ZBTB20: variants seen among roughly 807,000 people sequenced by gnomAD.
ZBTB20 encodes the protein zinc finger and BTB domain containing 20.
ZBTB20 carries 9 observed loss-of-function variants against 56.9 expected under a neutral mutation model. That is an observed-to-expected ratio of 0.16 (90% confidence interval 0.10 to 0.28). The LOEUF is 0.28. Ranked by LOEUF, ZBTB20 falls within the 10% of genes least tolerant of loss-of-function variation. ZBTB20 has a pLI of 1.00. For synonymous variants in ZBTB20, 417 were observed against 420.7 expected (o/e 0.99, Z 0.11); for missense variants, 655 against 1,003.0 (o/e 0.65, Z 4.69).
intron 1 of ZBTB20, among the ~76,000 whole-genome samples, chr3:115,112,287 G>A (rs138183227): frequency 4.3e-4 from 65 of 152,160 alleles, no homozygotes; most frequent in African/African-American, 1.4e-3. Flanking sequence ...CCATCACCCT[G>A]AGTATTTATA....
At chr3:114,429,270 TAATC>T (rs1333697928) in intron 7 of ZBTB20, among the ~76,000 whole-genome samples, 42 of 151,038 alleles carry the variant, frequency 2.8e-4, no homozygotes, top group African/African-American at 9.7e-4. Context: ...ACCTCTTAAA[TAATC>T]AAGTAGTCAA....
intron 6 of ZBTB20, among the ~76,000 whole-genome samples, chr3:114,513,449 A>G (rs1312301368): frequency 6.6e-6 from 1 of 152,160 alleles, no homozygotes; most frequent in East Asian, 1.9e-4. Flanking sequence ...GTTCTTTCAC[A>G]CTTACATCAG....
intron 7 of ZBTB20, among the ~76,000 whole-genome samples, chr3:114,489,809 G>T (rs2042532887): frequency 6.6e-6 from 1 of 152,150 alleles, no homozygotes; most frequent in African/African-American, 2.4e-5. Flanking sequence ...TTAGTCAAAT[G>T]ACCCTAACAT....
In ZBTB20 at chr3:114,322,567, G is replaced by A. The variant is rs1383007494; in HGVS notation, c.*16438C>T. ...CCAAAGCCTCAAGAGAAGTATCCTA[G>A]GACAGTTAATGTGAATATATTTTAA... On this transcript the variant is annotated 3_prime_UTR_variant, in exon 12 of 12. Coordinates refer to ENST00000675478, the MANE Select transcript of ZBTB20 (RefSeq NM_001348800.3). 1 of 152,098 alleles carries A rather than the reference G, an allele frequency of 6.6e-6. No homozygotes were observed. Among genetic ancestry groups the A allele is most frequent in the Non-Finnish European group, 1.5e-5 (1 of 68,006 alleles). The allele number at this position is 152,098 out of a possible 1,614,324, so 9.4% of individuals were successfully genotyped here. A position where few individuals can be genotyped will look rare whatever the true frequency, so the allele number is the denominator to read the frequency against.
intron 4 of ZBTB20, among the ~76,000 whole-genome samples, chr3:114,870,555 T>C (rs2075962767): frequency 6.6e-6 from 1 of 151,646 alleles, no homozygotes; most frequent in Admixed American, 6.6e-5. Flanking sequence ...CTTGCTTCAG[T>C]GGTGATGGTG....
At chr3:114,880,378 G>A (rs2076355415) in intron 4 of ZBTB20, among the ~76,000 whole-genome samples, 1 of 152,024 alleles carries the variant, frequency 6.6e-6, no homozygotes, top group African/African-American at 2.4e-5. Context: ...CCACCTCTTT[G>A]TATTCATTCT....
chr3:114,729,484 T>C (rs2065561921), intron 5 of ZBTB20, among the ~76,000 whole-genome samples: 1 of 152,172 alleles, frequency 6.6e-6, no homozygotes, highest in Admixed American at 6.5e-5. Context: ...TTTTCTTAAA[T>C]TTGTTTTTAA....
chr3:114,737,349 C>T (rs2066253469), intron 5 of ZBTB20, among the ~76,000 whole-genome samples: 2 of 152,020 alleles, frequency 1.3e-5, no homozygotes, highest in African/African-American at 4.8e-5. Flanking sequence ...TTTTCAAGAG[C>T]ATTAAATTCA....
At chr3:114,589,972 A>T (rs1051357029) in intron 6 of ZBTB20, among the ~76,000 whole-genome samples, 1 of 152,240 alleles carries the variant, frequency 6.6e-6, no homozygotes, top group African/African-American at 2.4e-5. Context: ...TTTGGAGATG[A>T]ATCAAAAATA....
intron 7 of ZBTB20, among the ~76,000 whole-genome samples, chr3:114,427,984 C>T (rs530986460): frequency 6.6e-6 from 1 of 152,098 alleles, no homozygotes; most frequent in African/African-American, 2.4e-5. Context: ...CATAAAGTCA[C>T]GGGGACTGGG....
At chr3:114,985,003 C>T (rs1441099287) in intron 2 of ZBTB20, among the ~76,000 whole-genome samples, 2 of 152,048 alleles carry the variant, frequency 1.3e-5, no homozygotes, top group Non-Finnish European at 2.9e-5. Flanking sequence ...CAGTCCTCAA[C>T]TCAAATGGCA....
rs572176392 is a variant in ZBTB20 at position 114,320,826 on chromosome 3, A to C, written c.*18179T>G. The stretch of plus-strand genomic sequence containing the variant: ...TCTATTCTTATAAAAATAACCACAA[A>C]TATAAAGAAATTATAATCAGGGCAA... On this transcript the variant is annotated 3_prime_UTR_variant, in exon 12 of 12. Coordinates refer to ENST00000675478, the MANE Select transcript of ZBTB20 (RefSeq NM_001348800.3). 6.6e-6 allele frequency: 1 copy of C among 152,300 alleles called. No individual in the cohort carries two copies. The highest frequency in any genetic ancestry group is 2.4e-5 in the African/African-American group (1 of 41,550). The allele number at this position is 152,300 out of a possible 1,614,324, so 9.4% of individuals were successfully genotyped here.
At chr3:114,700,204 T>C (rs1042129900) in intron 5 of ZBTB20, among the ~76,000 whole-genome samples, 3 of 152,104 alleles carry the variant, frequency 2.0e-5, no homozygotes, top group Non-Finnish European at 2.9e-5. Context: ...CCTGACTTCA[T>C]ATTCTTCCTT....
chr3:114,477,453 T>C (rs1365723588), intron 7 of ZBTB20, among the ~76,000 whole-genome samples: 1 of 151,738 alleles, frequency 6.6e-6, no homozygotes, highest in African/African-American at 2.4e-5. Context: ...CTGGAATTCA[T>C]CTCTAAGCTA....
intron 5 of ZBTB20, among the ~76,000 whole-genome samples, chr3:114,729,956 ATTTTT>A (rs1229757252): frequency 1.8e-4 from 22 of 119,444 alleles, no homozygotes; most frequent in South Asian, 5.4e-4. Flanking sequence ...CATCCGGCTA[ATTTTT>A]TTTTTTTTTT....
chr3:114,774,209 C>T (rs2069423580), intron 5 of ZBTB20, among the ~76,000 whole-genome samples: 1 of 152,010 alleles, frequency 6.6e-6, no homozygotes, highest in Non-Finnish European at 1.5e-5. Flanking sequence ...ATAATTATAT[C>T]ACAGTATGAA....
chr3:114,402,872 T>C (rs1164758404), intron 7 of ZBTB20, among the ~76,000 whole-genome samples: 1 of 152,174 alleles, frequency 6.6e-6, no homozygotes, highest in African/African-American at 2.4e-5. Context: ...CCAGGCTTAT[T>C]CTATGCATCT....
intron 6 of ZBTB20, among the ~76,000 whole-genome samples, chr3:114,633,265 A>C (rs2059068864): frequency 1.3e-5 from 2 of 152,158 alleles, no homozygotes. Flanking sequence ...CCTACAGTCA[A>C]ATGTTTCTAG....
At chr3:114,557,432 C>T (rs1326216950) in intron 6 of ZBTB20, among the ~76,000 whole-genome samples, 2 of 151,916 alleles carry the variant, frequency 1.3e-5, no homozygotes, top group Non-Finnish European at 2.9e-5. Context: ...AAGCTCAGTA[C>T]ATTTAGTATT....
Sources: allele counts gnomAD v4.1 joint callset (sites outside exome capture counted in the v4.1 genomes callset), GRCh38; gene constraint gnomAD v4.1.1; transcripts MANE v1.5; gene names NCBI Gene and HGNC (gene_info 2026-07-23, HGNC 2026-07-21).